The following PYGO1 variants were observed in gnomAD, a reference collection of about 807,000 sequenced individuals.
The protein encoded by PYGO1 is pygopus homolog 1.
In PYGO1, 6 loss-of-function variants were observed where a neutral mutation model predicts 29.5. That is an observed-to-expected ratio of 0.20 (90% confidence interval 0.11 to 0.40). The LOEUF is 0.40. PYGO1 is among the 10% of genes least tolerant of loss of function. The pLI, the probability that PYGO1 is intolerant of heterozygous loss-of-function variation, is 1.00. For synonymous variants in PYGO1, 186 were observed against 180.5 expected, an observed-to-expected ratio of 1.03 and a Z score of -0.24; for missense variants, 515 against 514.9, an observed-to-expected ratio of 1.00 and a Z score of 0.00.
At chr15:55,572,591 A>C (rs568565246) in intron 1 of PYGO1, among the ~76,000 whole-genome samples, 22 of 152,322 alleles carry the variant, frequency 1.4e-4, no homozygotes, top group African/African-American at 5.3e-4. Flanking sequence ...ACAGAAAAGG[A>C]AACAAAATGA....
intron 1 of PYGO1, among the ~76,000 whole-genome samples, chr15:55,573,613 A>G (rs769782909): frequency 6.6e-6 from 1 of 152,218 alleles, no homozygotes; most frequent in Non-Finnish European, 1.5e-5. Context: ...GGGTGCATAT[A>G]GTTGATCCTT....
chr15:55,549,884 A>G (rs1295600700), intron 1 of PYGO1, among the ~76,000 whole-genome samples: 1 of 152,170 alleles, frequency 6.6e-6, no homozygotes, highest in Non-Finnish European at 1.5e-5. Context: ...CAGCCCTAAT[A>G]ACCATCACAT....
intron 1 of PYGO1, among the ~76,000 whole-genome samples, chr15:55,566,729 CA>C (rs2058958453): frequency 6.6e-6 from 1 of 152,130 alleles, no homozygotes; most frequent in Non-Finnish European, 1.5e-5. Flanking sequence ...GCCTTATCAA[CA>C]CCTGGTTTTG....
rs2058848844 is a variant in PYGO1, at chr15:55,546,135, G to GT, written c.1147dup (p.Thr383AsnfsTer11). The GT allele has an allele frequency of 6.2e-7, 1 of 1,614,054 alleles. No individual in the cohort carries two copies. ...GCCCCATACTGCAGATGCTTCTGCA[G>GT]TTAAGAGGCCATAAGCTGTTTCAGT... On this transcript the variant is annotated frameshift_variant, in exon 3 of 3. Transcript: ENST00000563719. LOFTEE classifies it high-confidence loss of function.
chr15:55,587,777 G>C (rs1238999888), intron 1 of PYGO1, 58 bp downstream of exon 1: 49 of 1,452,074 alleles, frequency 3.4e-5, no homozygotes, highest in Admixed American at 2.8e-4. Context: ...GGCCGGGCAC[G>C]GGGCCCCGCG....
chr15:55,581,593 C>T (rs943335887), intron 1 of PYGO1, among the ~76,000 whole-genome samples: 1 of 152,172 alleles, frequency 6.6e-6, no homozygotes, highest in Non-Finnish European at 1.5e-5. Context: ...TTTGCTGCTT[C>T]CTCACTGGGT....
chr15:55,548,101 C>T (rs962161113), intron 2 of PYGO1, among the ~76,000 whole-genome samples: 1 of 152,182 alleles, frequency 6.6e-6, no homozygotes, highest in Non-Finnish European at 1.5e-5. Flanking sequence ...CTCATTGCAA[C>T]CTCTACCTTC....
chr15:55,584,960 A>G (rs2059040410), intron 1 of PYGO1, among the ~76,000 whole-genome samples: 1 of 152,214 alleles, frequency 6.6e-6, no homozygotes, highest in South Asian at 2.1e-4. Context: ...GGATCTTGTT[A>G]AAGATGCAGA....
Position 55,587,874 on chromosome 15 carries a change from C to G in PYGO1, c.10G>C (p.Glu4Gln). The change falls in exon 1 of 3, where the codon GAA becomes CAA. Residue 4 changes from glutamate to glutamine, a missense_variant. Glu to Gln is a conservative substitution (Grantham distance 29). Coordinates refer to ENST00000563719, the MANE Select transcript of PYGO1 (RefSeq NM_001367806.1). MSAEQEKDPISLKR... is the reference protein window; with the variant it reads MSAQQEKDPISLKR... ...AGCGAAATGGGATCCTTCTCCTGTT[C>G]TGCTGACATTACAGACCGCAAAGCA... The G allele has an allele frequency of 6.7e-7, 1 of 1,495,266 alleles. No individual in the cohort carries two copies. Among genetic ancestry groups the G allele is most frequent in the South Asian group, 1.2e-5 (1 of 80,514 alleles). 92.6% of individuals were successfully genotyped at this position (1,495,266 alleles called of 1,614,324 possible). A position where few individuals can be genotyped will look rare whatever the true frequency, so the allele number is the denominator to read the frequency against.
At chr15:55,559,211 C>A (rs1410224463) in intron 1 of PYGO1, among the ~76,000 whole-genome samples, 1 of 152,130 alleles carries the variant, frequency 6.6e-6, no homozygotes, top group Non-Finnish European at 1.5e-5. Flanking sequence ...ACTATGCAGC[C>A]AACAGATACA....
intron 1 of PYGO1, among the ~76,000 whole-genome samples, chr15:55,553,240 C>T (rs574157204): frequency 2.0e-3 from 307 of 152,236 alleles, no homozygotes; most frequent in Non-Finnish European, 3.6e-3. Flanking sequence ...GAACTCTCCC[C>T]ATGATGGAGC....
At chr15:55,581,046 T>A (rs992980828) in intron 1 of PYGO1, among the ~76,000 whole-genome samples, 1 of 152,206 alleles carries the variant, frequency 6.6e-6, no homozygotes, top group Non-Finnish European at 1.5e-5. Flanking sequence ...TTATAACCTA[T>A]AGGAAACAAT....
At chr15:55,583,735 T>C (rs973570828) in intron 1 of PYGO1, among the ~76,000 whole-genome samples, 5 of 152,176 alleles carry the variant, frequency 3.3e-5, no homozygotes, top group African/African-American at 9.7e-5. Flanking sequence ...GTCAAACTCC[T>C]GCGCTGAAGT....
At chr15:55,556,918 C>CAT (rs1417987981) in intron 1 of PYGO1, among the ~76,000 whole-genome samples, 1 of 151,848 alleles carries the variant, frequency 6.6e-6, no homozygotes, top group African/African-American at 2.4e-5. Context: ...AATTCCTAGG[C>CAT]ACATACATCC....
chr15:55,549,024 T>G (rs374766185), intron 1 of PYGO1, 29 bp from the exon 2 acceptor site: 2 of 1,539,392 alleles, frequency 1.3e-6, no homozygotes, highest in African/African-American at 2.8e-5. Flanking sequence ...AGGTAATATT[T>G]CCCACTTGTA....
At chr15:55,566,685 C>A (rs1156890827) in intron 1 of PYGO1, among the ~76,000 whole-genome samples, 2 of 152,170 alleles carry the variant, frequency 1.3e-5, no homozygotes, top group Non-Finnish European at 2.9e-5. Flanking sequence ...TATATTCTCA[C>A]CAACAGTCTA....
intron 1 of PYGO1, among the ~76,000 whole-genome samples, chr15:55,567,366 C>T (rs966127488): frequency 6.6e-6 from 1 of 151,686 alleles, no homozygotes; most frequent in Non-Finnish European, 1.5e-5. Context: ...TGCCACCATA[C>T]CTGGCTAATT....
intron 1 of PYGO1, among the ~76,000 whole-genome samples, chr15:55,569,632 T>C (rs1157900600): frequency 6.6e-6 from 1 of 152,222 alleles, no homozygotes. Flanking sequence ...GGTACTTCTA[T>C]GTTTATTCCA....
chr15:55,585,977 C>T (rs1048078311), intron 1 of PYGO1, among the ~76,000 whole-genome samples: 2 of 152,130 alleles, frequency 1.3e-5, no homozygotes, highest in Non-Finnish European at 2.9e-5. Flanking sequence ...GATATTAAGC[C>T]TTTAAAAACA....
Sources: gnomAD v4.1 joint callset for allele counts (sites outside exome capture counted in the v4.1 genomes callset) on GRCh38, gnomAD v4.1.1 for gene constraint, MANE v1.5 for transcripts, NCBI Gene and HGNC (gene_info 2026-07-23, HGNC 2026-07-21) for gene names.